Variants in LRRC7 observed in about 807,000 individuals in gnomAD.
The protein encoded by LRRC7 is leucine-rich repeat-containing protein 7.
A neutral mutation model predicts 175.7 loss-of-function variants in LRRC7; 23 were observed. The ratio of observed to expected loss-of-function variants is 0.13; its 90% CI spans 0.09 to 0.19. LRRC7 has a LOEUF of 0.19. Among genes scored for constraint, LRRC7 ranks in the 10% least tolerant of loss-of-function variants. The pLI, the probability that LRRC7 is intolerant of heterozygous loss-of-function variation, is 1.00. For synonymous variants in LRRC7, 685 were observed against 680.9 expected (o/e 1.01, Z -0.09); for missense variants, 1,354 against 1,904.7 (o/e 0.71, Z 5.38).
chr1:69,928,077 C>G (rs1356534360), intron 7 of LRRC7, among the ~76,000 whole-genome samples: 2 of 152,136 alleles, frequency 1.3e-5, no homozygotes, highest in African/African-American at 2.4e-5. Flanking sequence ...CACACGAGAC[C>G]CTGTTTGCCT....
intron 2 of LRRC7, among the ~76,000 whole-genome samples, chr1:69,718,138 G>GAAAGAAA (rs772161376): frequency 2.4e-5 from 1 of 40,972 alleles, no homozygotes; most frequent in Non-Finnish European, 4.2e-5. Flanking sequence ...AAGAAAGAAA[G>GAAAGAAA]AGAGAGAAAG....
intron 7 of LRRC7, among the ~76,000 whole-genome samples, chr1:69,892,484 A>T (rs1471873346): frequency 1.3e-5 from 2 of 152,228 alleles, no homozygotes; most frequent in African/African-American, 4.8e-5. Context: ...ATGATACAAT[A>T]CAATACACAT....
chr1:69,821,728 T>A (rs551566719), intron 4 of LRRC7, among the ~76,000 whole-genome samples: 3 of 152,080 alleles, frequency 2.0e-5, no homozygotes, highest in African/African-American at 7.2e-5. Context: ...ACCCCATCTC[T>A]ACTAAAAATA....
intron 10 of LRRC7, among the ~76,000 whole-genome samples, chr1:69,992,677 A>G (rs1450764837): frequency 1.3e-5 from 2 of 152,178 alleles, no homozygotes; most frequent in Non-Finnish European, 2.9e-5. Context: ...CTTTAAACCC[A>G]CAGACTTGGA....
At chr1:69,921,857 C>T (rs1404921586) in intron 7 of LRRC7, among the ~76,000 whole-genome samples, 1 of 152,134 alleles carries the variant, frequency 6.6e-6, no homozygotes, top group Non-Finnish European at 1.5e-5. Context: ...TAGTGCTTAC[C>T]TACATATTAT....
At chr1:69,859,786 C>G (rs529539363) in intron 7 of LRRC7, among the ~76,000 whole-genome samples, 1 of 151,928 alleles carries the variant, frequency 6.6e-6, no homozygotes. Flanking sequence ...CTCAAAATGA[C>G]AGTATGATAT....
At chr1:69,895,104 T>A (rs1645941979) in intron 7 of LRRC7, among the ~76,000 whole-genome samples, 1 of 152,022 alleles carries the variant, frequency 6.6e-6, no homozygotes, top group Non-Finnish European at 1.5e-5. Flanking sequence ...TGGTGGTGCT[T>A]GCCTGTAATC....
intron 1 of LRRC7, among the ~76,000 whole-genome samples, chr1:69,580,802 T>A (rs1437947961): frequency 6.6e-6 from 1 of 152,082 alleles, no homozygotes; most frequent in Non-Finnish European, 1.5e-5. Flanking sequence ...AAATAATAAT[T>A]CTAGGGATAT....
chr1:69,947,318 A>G (rs192124171), intron 8 of LRRC7, among the ~76,000 whole-genome samples: 53 of 151,960 alleles, frequency 3.5e-4, no homozygotes, highest in Non-Finnish European at 5.2e-4. Flanking sequence ...TCCCTGTCTT[A>G]TAACTTTTTT....
At chr1:69,730,034 C>A (rs1454424456) in intron 2 of LRRC7, among the ~76,000 whole-genome samples, 2 of 152,190 alleles carry the variant, frequency 1.3e-5, no homozygotes, top group Non-Finnish European at 2.9e-5. Flanking sequence ...GAAGCAATGA[C>A]CCAAGCTGTA....
chr1:69,729,028 C>T (rs560258341), intron 2 of LRRC7, among the ~76,000 whole-genome samples: 47 of 152,180 alleles, frequency 3.1e-4, no homozygotes, highest in South Asian at 1.2e-3. Context: ...AAGTGCTGAG[C>T]GAAAGGCAGG....
intron 7 of LRRC7, among the ~76,000 whole-genome samples, chr1:69,888,288 C>A (rs1470837232): frequency 6.6e-6 from 1 of 152,176 alleles, no homozygotes; most frequent in Non-Finnish European, 1.5e-5. Context: ...GGCGTAGGAC[C>A]CTCGGATCCA....
At chr1:69,615,884 T>C (rs1239701071) in intron 1 of LRRC7, among the ~76,000 whole-genome samples, 1 of 152,062 alleles carries the variant, frequency 6.6e-6, no homozygotes, top group South Asian at 2.1e-4. Flanking sequence ...TCCCTTCCTA[T>C]GGCTAAACCC....
At chr1:70,048,618 G>A (rs929817566) in intron 22 of LRRC7, among the ~76,000 whole-genome samples, 5 of 152,052 alleles carry the variant, frequency 3.3e-5, no homozygotes, top group African/African-American at 1.2e-4. Flanking sequence ...ATCTAGAGAA[G>A]TAGATATTAT....
At chr1:69,837,702 A>G (rs1681270538) in intron 6 of LRRC7, among the ~76,000 whole-genome samples, 2 of 151,778 alleles carry the variant, frequency 1.3e-5, no homozygotes. Flanking sequence ...CAACAAATAT[A>G]CCTTTATAAA....
chr1:69,738,010 T>C (rs1668303557), intron 2 of LRRC7, among the ~76,000 whole-genome samples: 1 of 152,048 alleles, frequency 6.6e-6, no homozygotes, highest in South Asian at 2.1e-4. Context: ...ATTGCACTTG[T>C]CAAATAGGAA....
chr1:69,981,321 A>C (rs576480982), intron 9 of LRRC7, among the ~76,000 whole-genome samples: 1 of 152,214 alleles, frequency 6.6e-6, no homozygotes, highest in East Asian at 1.9e-4. Flanking sequence ...AAAATTACTT[A>C]AGATGACAGC....
chr1:69,574,657 C>T (rs1645871987), intron 1 of LRRC7, among the ~76,000 whole-genome samples: 1 of 152,092 alleles, frequency 6.6e-6, no homozygotes, highest in South Asian at 2.1e-4. Context: ...AAATAATAGA[C>T]TTATAAATAC....
At chr1:69,587,323 A>G (rs972649296) in intron 1 of LRRC7, among the ~76,000 whole-genome samples, 9 of 152,164 alleles carry the variant, frequency 5.9e-5, no homozygotes, top group Admixed American at 5.9e-4. Flanking sequence ...TCCCCAGTTC[A>G]GGACTCTTTA....
Sources: allele counts gnomAD v4.1 joint callset (sites outside exome capture counted in the v4.1 genomes callset), GRCh38; gene constraint gnomAD v4.1.1; transcripts MANE v1.5; gene names NCBI Gene and HGNC (gene_info 2026-07-23, HGNC 2026-07-21).